VAT1L: variants seen among roughly 807,000 people sequenced by gnomAD.
VAT1L encodes vesicle amine transport 1 like.
In VAT1L, 34 loss-of-function variants were observed where a neutral mutation model predicts 44.1. The ratio of observed to expected loss-of-function variants is 0.77; its 90% CI spans 0.59 to 1.03. The LOEUF is 1.03. Ranked by LOEUF, VAT1L falls within the 50% of genes least tolerant of loss-of-function variation. The pLI, the probability that VAT1L is intolerant of heterozygous loss-of-function variation, is 0.00. For missense variants in VAT1L, 615 were observed against 538.8 expected (o/e 1.14, Z -1.40); for synonymous variants, 253 against 202.2 (o/e 1.25, Z -2.13).
At chr16:77,906,348 C>T (rs930779279) in intron 7 of VAT1L, among the ~76,000 whole-genome samples, 15 of 152,274 alleles carry the variant, frequency 9.9e-5, no homozygotes, top group East Asian at 5.8e-4. Context: ...GCTTCAAAGA[C>T]GATGTTGTGC....
intron 7 of VAT1L, among the ~76,000 whole-genome samples, chr16:77,917,513 T>C (rs891944863): frequency 6.6e-6 from 1 of 152,230 alleles, no homozygotes; most frequent in Non-Finnish European, 1.5e-5. Context: ...CTTCAAATCA[T>C]TGCAATTAAG....
intron 3 of VAT1L, among the ~76,000 whole-genome samples, chr16:77,850,681 C>T (rs149203865): frequency 2.8e-4 from 43 of 152,252 alleles, no homozygotes; most frequent in African/African-American, 1.0e-3. Context: ...GAAAGAGACG[C>T]ATTTATCAAA....
chr16:77,852,852 G>A (rs531311010), intron 3 of VAT1L, among the ~76,000 whole-genome samples: 18 of 152,264 alleles, frequency 1.2e-4, no homozygotes, highest in African/African-American at 4.1e-4. Flanking sequence ...ACTGTAGGCT[G>A]TTACCTAACT....
At chr16:77,798,404 T>C (rs1439781566) in intron 1 of VAT1L, among the ~76,000 whole-genome samples, 2 of 152,258 alleles carry the variant, frequency 1.3e-5, no homozygotes, top group African/African-American at 2.4e-5. Context: ...TTAAGTCTTT[T>C]GAAACCTCAG....
At chr16:77,906,683 G>T (rs1012357370) in intron 7 of VAT1L, among the ~76,000 whole-genome samples, 21 of 152,078 alleles carry the variant, frequency 1.4e-4, no homozygotes, top group Non-Finnish European at 2.1e-4. Flanking sequence ...AACTAAGGGG[G>T]GAACGGTCAC....
chr16:77,942,664 G>A (rs550824271), intron 7 of VAT1L, among the ~76,000 whole-genome samples: 7 of 152,288 alleles, frequency 4.6e-5, no homozygotes, highest in African/African-American at 1.7e-4. Flanking sequence ...GGAGGCCACA[G>A]GGTCACTTAC....
intron 7 of VAT1L, among the ~76,000 whole-genome samples, chr16:77,950,986 G>T (rs1381254855): frequency 6.6e-6 from 1 of 152,194 alleles, no homozygotes; most frequent in Non-Finnish European, 1.5e-5. Context: ...TAGTATGCTG[G>T]AAAGAGAGCC....
intron 3 of VAT1L, among the ~76,000 whole-genome samples, chr16:77,858,607 A>G (rs2016884697): frequency 6.6e-6 from 1 of 152,198 alleles, no homozygotes; most frequent in South Asian, 2.1e-4. Context: ...TACGTTGCTC[A>G]GCTGGTATGT....
intron 2 of VAT1L, among the ~76,000 whole-genome samples, chr16:77,820,787 A>G (rs1394846650): frequency 2.0e-5 from 3 of 152,338 alleles, no homozygotes; most frequent in South Asian, 2.1e-4. Context: ...TGGGAATTAT[A>G]TAAGGTCACA....
chr16:77,876,607 C>T, intron 5 of VAT1L, 134 bp downstream of exon 5: 1 of 714,366 alleles, frequency 1.4e-6, no homozygotes, highest in East Asian at 2.6e-5. Flanking sequence ...TTTAATGTTT[C>T]CTATAATGTT....
chr16:77,945,944 G>A (rs890854317), intron 7 of VAT1L, among the ~76,000 whole-genome samples: 1 of 152,050 alleles, frequency 6.6e-6, no homozygotes, highest in African/African-American at 2.4e-5. Context: ...TGGGATTACA[G>A]GCGCATGCCA....
intron 3 of VAT1L, among the ~76,000 whole-genome samples, chr16:77,842,253 G>C (rs959754559): frequency 2.0e-5 from 3 of 152,132 alleles, no homozygotes; most frequent in African/African-American, 7.2e-5. Context: ...ACTCTTTCTG[G>C]GCCCTGATGA....
chr16:77,828,716 C>CAG (rs926395016), intron 3 of VAT1L, among the ~76,000 whole-genome samples: 1 of 151,944 alleles, frequency 6.6e-6, no homozygotes, highest in Non-Finnish European at 1.5e-5. Context: ...GTAGAAGAAT[C>CAG]AGAGAGAGAA....
intron 2 of VAT1L, among the ~76,000 whole-genome samples, chr16:77,818,825 C>T (rs2016399633): frequency 6.6e-6 from 1 of 152,146 alleles, no homozygotes; most frequent in South Asian, 2.1e-4. Context: ...AAAACTGACA[C>T]TAGTATTCCA....
chr16:77,868,328 T>G (rs2016996763), intron 4 of VAT1L, among the ~76,000 whole-genome samples: 1 of 152,108 alleles, frequency 6.6e-6, no homozygotes, highest in Admixed American at 6.5e-5. Flanking sequence ...TCTATATTAG[T>G]GAGGCCTACA....
chr16:77,866,678 C>G (rs927711741), intron 4 of VAT1L, among the ~76,000 whole-genome samples: 1 of 151,856 alleles, frequency 6.6e-6, no homozygotes, highest in Non-Finnish European at 1.5e-5. Context: ...ATCGGGAAGC[C>G]TCCTTTGAAC....
intron 3 of VAT1L, among the ~76,000 whole-genome samples, chr16:77,836,047 G>A (rs1221355262): frequency 6.6e-6 from 1 of 152,128 alleles, no homozygotes; most frequent in Admixed American, 6.5e-5. Flanking sequence ...TATAGTGGAG[G>A]TGATGTTAGT....
chr16:77,928,897 A>G (rs1597103673), intron 7 of VAT1L, among the ~76,000 whole-genome samples: 1 of 151,844 alleles, frequency 6.6e-6, no homozygotes, highest in African/African-American at 2.4e-5. Context: ...GCTCACTGCA[A>G]CCTCCCCTTT....
chr16:77,931,629 G>A (rs1401557802), intron 7 of VAT1L, among the ~76,000 whole-genome samples: 2 of 152,152 alleles, frequency 1.3e-5, no homozygotes, highest in African/African-American at 4.8e-5. Flanking sequence ...ATTTTATAAT[G>A]GAAAATTATT....
Sources: gnomAD v4.1 joint callset for allele counts (sites outside exome capture counted in the v4.1 genomes callset) on GRCh38, gnomAD v4.1.1 for gene constraint, MANE v1.5 for transcripts, NCBI Gene and HGNC (gene_info 2026-07-23, HGNC 2026-07-21) for gene names.